UGT1A10: variants seen among roughly 807,000 people sequenced by gnomAD.
UGT1A10 encodes the protein UDP glucuronosyltransferase family 1 member A10, also known as UDP-glucuronosyltransferase 1A10.
Under a neutral mutation model 45.8 loss-of-function variants are expected in UGT1A10, and 49 were observed. That is an observed-to-expected ratio of 1.07 (90% CI 0.85 to 1.36). The LOEUF is 1.36. Among genes scored for constraint, UGT1A10 ranks in the 40% most tolerant of loss-of-function variants. UGT1A10 has a pLI of 0.00. For synonymous variants in UGT1A10, 284 were observed against 249.7 expected (o/e 1.14, Z -1.29); for missense variants, 745 against 668.6 (o/e 1.11, Z -1.26).
At chr2:233,771,806 T>C (rs1391342428) in intron 4 of UGT1A10, among the ~76,000 whole-genome samples, 2 of 140,682 alleles carry the variant, frequency 1.4e-5, no homozygotes, top group South Asian at 5.4e-4. Flanking sequence ...CTCCCTCCCT[T>C]CCTCCTTTCC....
At chr2:233,744,722 C>T (rs1486677492) in intron 1 of UGT1A10, among the ~76,000 whole-genome samples, 9 of 151,828 alleles carry the variant, frequency 5.9e-5, no homozygotes, top group Non-Finnish European at 1.2e-4. Flanking sequence ...GAGAGAATGA[C>T]GGTGAAAAAA....
chr2:233,699,086 C>G (rs1303694142), intron 1 of UGT1A10, among the ~76,000 whole-genome samples: 1 of 152,218 alleles, frequency 6.6e-6, no homozygotes, highest in Non-Finnish European at 1.5e-5. Context: ...TCTCTCTAGC[C>G]CTGTGCACCT....
chr2:233,747,538 C>A lies in UGT1A10; in HGVS notation c.856-19496C>A. The stretch of plus-strand genomic sequence containing the variant: ...TTTGAAACAGAACATTTTCTGAAGA[C>A]ATTTTCTAAAAGTATGGCAATTTTG... On this transcript the variant is annotated intron_variant, in intron 1 of 4. Transcript: ENST00000344644. The A allele has an allele frequency of 3.7e-6, 6 of 1,604,366 alleles. No individual in the cohort carries two copies. The East Asian group carries it at 8.9e-5, about 24-fold the overall frequency.
At chr2:233,694,255 C>G (rs2075208308) in intron 1 of UGT1A10, among the ~76,000 whole-genome samples, 1 of 151,978 alleles carries the variant, frequency 6.6e-6, no homozygotes, top group African/African-American at 2.4e-5. Context: ...GAGCCAGGGA[C>G]CAGCGAACTA....
chr2:233,647,301 T>C (rs531481929), intron 1 of UGT1A10, among the ~76,000 whole-genome samples: 10 of 152,362 alleles, frequency 6.6e-5, no homozygotes, highest in Admixed American at 2.0e-4. Context: ...TGCTGAAATA[T>C]TGTTTTACAT....
chr2:233,721,930 C>T (rs557972236), intron 1 of UGT1A10: 22 of 377,682 alleles, frequency 5.8e-5, no homozygotes, highest in South Asian at 4.7e-4. Flanking sequence ...AAGTGACATC[C>T]TTCAGACACT....
intron 1 of UGT1A10, among the ~76,000 whole-genome samples, chr2:233,671,493 G>C (rs982648139): frequency 5.3e-5 from 8 of 152,192 alleles, no homozygotes; most frequent in Non-Finnish European, 1.2e-4. Context: ...TTTGCTTAGA[G>C]CATGAGTTGC....
At chr2:233,709,447 T>C (rs756561648) in intron 1 of UGT1A10, among the ~76,000 whole-genome samples, 19 of 152,250 alleles carry the variant, frequency 1.2e-4, no homozygotes, top group Non-Finnish European at 2.2e-4. Flanking sequence ...ACCTGCCGAC[T>C]TTTAAAGCAA....
chr2:233,670,929 A>G (rs531919173), intron 1 of UGT1A10, among the ~76,000 whole-genome samples: 2 of 152,234 alleles, frequency 1.3e-5, no homozygotes, highest in Non-Finnish European at 2.9e-5. Context: ...CAACAAAAAA[A>G]CTGGCAGTGG....
chr2:233,679,951 G>C (rs2074468099), intron 1 of UGT1A10, among the ~76,000 whole-genome samples: 1 of 152,036 alleles, frequency 6.6e-6, no homozygotes, highest in Non-Finnish European at 1.5e-5. Flanking sequence ...TGCGAGGTTT[G>C]GCTCCTGCTG....
chr2:233,744,895 T>C (rs1259140735), intron 1 of UGT1A10, among the ~76,000 whole-genome samples: 1 of 151,910 alleles, frequency 6.6e-6, no homozygotes, highest in African/African-American at 2.4e-5. Flanking sequence ...CTCCTCTCCA[T>C]ACCAAAATCT....
chr2:233,661,776 T>A (rs139360456), intron 1 of UGT1A10, among the ~76,000 whole-genome samples: 1 of 151,556 alleles, frequency 6.6e-6, no homozygotes, highest in East Asian at 1.9e-4. Context: ...ATCAAGCAAT[T>A]CAACTTTTCT....
intron 1 of UGT1A10, among the ~76,000 whole-genome samples, chr2:233,656,233 A>G (rs530358691): frequency 6.6e-6 from 1 of 152,294 alleles, no homozygotes; most frequent in East Asian, 1.9e-4. Context: ...ATTTAAATGG[A>G]TTACAATTAG....
intron 1 of UGT1A10, chr2:233,693,094 G>A: frequency 6.2e-7 from 1 of 1,614,170 alleles, no homozygotes; most frequent in Non-Finnish European, 8.5e-7. Context: ...ACAAGCTGCT[G>A]GTGGTCCCTC....
intron 1 of UGT1A10, chr2:233,672,842 A>G: frequency 2.6e-6 from 4 of 1,554,318 alleles, no homozygotes; most frequent in Non-Finnish European, 3.5e-6. Flanking sequence ...TGGAAATTAA[A>G]AAAGGATTCT....
rs1559334798 is a variant in UGT1A10 at position 233,672,797 on chromosome 2, A to G, written c.855+35420A>G. ...GGAAAGCCGTTGCCTATGGTAAGTT[A>G]TCTCTCCTTTAGCACCTTAAGAATA... On this transcript the variant is annotated intron_variant, in intron 1 of 4. Coordinates refer to ENST00000344644, the MANE Select transcript of UGT1A10 (RefSeq NM_019075.4). The G allele has an allele frequency of 5.6e-6, 9 of 1,612,736 alleles. 1 individual carries two copies. In the South Asian group the frequency reaches 9.9e-5, roughly 18 times the overall value.
At chr2:233,718,299 ACT>A (rs1382427566) in intron 1 of UGT1A10, among the ~76,000 whole-genome samples, 3 of 151,938 alleles carry the variant, frequency 2.0e-5, no homozygotes, top group Admixed American at 6.5e-5. Flanking sequence ...CAGCCTGAAC[ACT>A]CTCTGTTTAG....
chr2:233,705,942 A>T (rs1310148343), intron 1 of UGT1A10, among the ~76,000 whole-genome samples: 1 of 152,156 alleles, frequency 6.6e-6, no homozygotes, highest in African/African-American at 2.4e-5. Context: ...ACAAAAAATT[A>T]GCTGGGTGTG....
chr2:233,674,696 T>C (rs1363501831), intron 1 of UGT1A10, among the ~76,000 whole-genome samples: 1 of 152,210 alleles, frequency 6.6e-6, no homozygotes, highest in African/African-American at 2.4e-5. Flanking sequence ...TTAAAGAATA[T>C]GGATGTATGA....
Sources: gnomAD v4.1 joint callset for allele counts (sites outside exome capture counted in the v4.1 genomes callset) on GRCh38, gnomAD v4.1.1 for gene constraint, MANE v1.5 for transcripts, NCBI Gene and HGNC (gene_info 2026-07-23, HGNC 2026-07-21) for gene names.